Variants in RNF128 observed in about 807,000 individuals in gnomAD.
The protein encoded by RNF128 is E3 ubiquitin-protein ligase RNF128.
In RNF128, 13 loss-of-function variants were observed where a neutral mutation model predicts 26.2. That is an observed-to-expected ratio of 0.50 (90% CI 0.32 to 0.79). The LOEUF is 0.79. Ranked by LOEUF, RNF128 falls within the 30% of genes least tolerant of loss-of-function variation. The pLI is 0.03. For missense variants in RNF128, 315 were observed against 349.7 expected (o/e 0.90, Z 0.79); for synonymous variants, 149 against 142.5 (o/e 1.05, Z -0.32).
At chrX:106,793,569 C>T (rs5962752) in intron 6 of RNF128, among the ~76,000 whole-genome samples, 6,579 of 110,803 alleles carry the variant, frequency 0.059, 519 homozygotes, top group African/African-American at 0.21. Context: ...GGCCCACTAA[C>T]GTCCTTTTTC....
intron 1 of RNF128, among the ~76,000 whole-genome samples, chrX:106,716,060 GT>G (rs1437647227): frequency 1.8e-5 from 2 of 111,562 alleles, no homozygotes; most frequent in Non-Finnish European, 3.8e-5. Flanking sequence ...GCTCTGCTCT[GT>G]CCTGACTCTG....
At chrX:106,765,462 A>T (rs1930201346) in intron 1 of RNF128, among the ~76,000 whole-genome samples, 1 of 111,420 alleles carries the variant, frequency 9.0e-6, no homozygotes, top group African/African-American at 3.3e-5. Flanking sequence ...TTTTACTGAG[A>T]AATGGCTTTT....
chrX:106,773,878 T>C (rs1004060935), intron 2 of RNF128, among the ~76,000 whole-genome samples: 2 of 111,464 alleles, frequency 1.8e-5, no homozygotes, highest in African/African-American at 6.5e-5. Flanking sequence ...CATTTCTCCT[T>C]ACCCAGCTTA....
intron 4 of RNF128, among the ~76,000 whole-genome samples, chrX:106,788,419 A>ATATATAATATATAATATATAT (rs1569445348): frequency 2.4e-5 from 1 of 42,472 alleles, no homozygotes; most frequent in African/African-American, 9.9e-5. Context: ...ATAATATATA[A>ATATATAATATATAATATATAT]TATATATTAT....
At chrX:106,725,709 G>T (rs1394764804), upstream of RNF128, among the ~76,000 whole-genome samples, 1 of 112,596 alleles carries the variant, frequency 8.9e-6, no homozygotes, top group Non-Finnish European at 1.9e-5. Flanking sequence ...AAAACTCTGT[G>T]AGGTAGGTGC....
chrX:106,793,408 C>G (rs1930861221), intron 6 of RNF128, among the ~76,000 whole-genome samples: 1 of 111,405 alleles, frequency 9.0e-6, no homozygotes, highest in Non-Finnish European at 1.9e-5. Context: ...CTGACAAAAA[C>G]GTTTCAAAAA....
At chrX:106,773,398 G>A (rs1427157554) in intron 2 of RNF128, among the ~76,000 whole-genome samples, 1 of 111,449 alleles carries the variant, frequency 9.0e-6, no homozygotes, top group Non-Finnish European at 1.9e-5. Flanking sequence ...AACACATCCA[G>A]CATTTAATTA....
chrX:106,787,962 G>C lies in RNF128; in HGVS notation c.849G>C (p.Leu283Phe). ...DGDSCAVCIE[L>F]YKPNDLVRIL... The stretch of plus-strand genomic sequence containing the variant: ...ATAGTTGTGCTGTGTGCATTGAATT[G>C]TATAAACCAAATGATTTGGTACGCA... Residue 283 changes from leucine to phenylalanine, a missense_variant, in exon 4 of 7, where the codon TTG (leucine) becomes TTC (phenylalanine). Transcript: ENST00000255499. 1 of 1,186,759 alleles carries C rather than the reference G, an allele frequency of 8.4e-7. No homozygotes were observed.
chrX:106,738,818 T>G (rs1312924141), intron 1 of RNF128, among the ~76,000 whole-genome samples: 4 of 110,805 alleles, frequency 3.6e-5, no homozygotes, highest in African/African-American at 1.3e-4. Flanking sequence ...GAGGTGTAAA[T>G]TAAATAATAT....
intron 2 of RNF128, among the ~76,000 whole-genome samples, chrX:106,782,019 T>G (rs1380773274): frequency 8.9e-6 from 1 of 112,669 alleles, no homozygotes; most frequent in East Asian, 2.8e-4. Context: ...AAGAAAGTTA[T>G]ATATTTGGCA....
chrX:106,758,207 A>G (rs1172864955), intron 1 of RNF128, among the ~76,000 whole-genome samples: 1 of 112,019 alleles, frequency 8.9e-6, no homozygotes, highest in African/African-American at 3.2e-5. Context: ...ATAAAGTACT[A>G]GGAGGAAACC....
chrX:106,749,716 G>A (rs1362143179), intron 1 of RNF128, among the ~76,000 whole-genome samples: 1 of 110,809 alleles, frequency 9.0e-6, no homozygotes, highest in African/African-American at 3.3e-5. Context: ...AGCCAGCCTG[G>A]GCAACATAGT....
chrX:106,715,318 T>A (rs1218675789), intron 1 of RNF128, among the ~76,000 whole-genome samples: 1 of 112,617 alleles, frequency 8.9e-6, no homozygotes, highest in Non-Finnish European at 1.9e-5. Context: ...TAACATCTTT[T>A]CGCGTGCTTA....
upstream of RNF128, among the ~76,000 whole-genome samples, chrX:106,726,374 T>C (rs1190018019): frequency 9.0e-6 from 1 of 111,487 alleles, no homozygotes; most frequent in Non-Finnish European, 1.9e-5. Flanking sequence ...AGAAGTACTG[T>C]ACTTCACATT....
intron 1 of RNF128, among the ~76,000 whole-genome samples, chrX:106,764,199 T>G (rs957469459): frequency 9.4e-6 from 1 of 106,201 alleles, no homozygotes; most frequent in Middle Eastern, 5.0e-3. Context: ...TCTCCTGACC[T>G]CGTGATCCAC....
chrX:106,763,123 G>C (rs1395050767), intron 1 of RNF128, among the ~76,000 whole-genome samples: 1 of 108,655 alleles, frequency 9.2e-6, no homozygotes, highest in African/African-American at 3.3e-5. Context: ...ACCATGTTAT[G>C]GCAAAAGTCA....
At position 106,771,559 on chromosome X, in the gene RNF128, C is replaced by T. The variant is rs765996955; in HGVS notation, c.485-1354C>T. On this transcript the variant is annotated intron_variant, in intron 1 of 6. Coordinates refer to ENST00000255499, the MANE Select transcript of RNF128 (RefSeq NM_194463.2). ...GGCATGGGACCCTCTGAGCCAGGCG[C>T]GGGTTATAATCTCCTGGTGTGCCAT... 4.5e-4 allele frequency among the ~76,000 whole-genome samples: 51 copies of T among 112,861 alleles called. No individual in the cohort carries two copies. The South Asian group carries it at 4.8e-3, about 11-fold the overall frequency.
intron 6 of RNF128, among the ~76,000 whole-genome samples, chrX:106,793,917 T>C: frequency 9.0e-6 from 1 of 111,133 alleles, no homozygotes; most frequent in Admixed American, 9.7e-5. Context: ...TTAAAGTTAC[T>C]ATTTTTCCCT....
intron 1 of RNF128, among the ~76,000 whole-genome samples, chrX:106,705,173 A>G (rs1603079448): frequency 8.9e-6 from 1 of 111,762 alleles, no homozygotes; most frequent in East Asian, 2.8e-4. Flanking sequence ...TTCCAAATGG[A>G]ACTGCTTTAT....
Sources: allele counts gnomAD v4.1 joint callset (sites outside exome capture counted in the v4.1 genomes callset), GRCh38; gene constraint gnomAD v4.1.1; transcripts MANE v1.5; gene names NCBI Gene and HGNC (gene_info 2026-07-23, HGNC 2026-07-21).